The following TTC13 variants were observed in gnomAD, a reference collection of about 807,000 sequenced individuals.
TTC13 encodes the protein tetratricopeptide repeat domain 13.
TTC13 carries 62 observed loss-of-function variants against 120.0 expected under a neutral mutation model. The ratio of observed to expected loss-of-function variants is 0.52; its 90% CI spans 0.42 to 0.64. The LOEUF (loss-of-function observed/expected upper bound fraction) is 0.64, where lower values mean the gene tolerates loss of function less well. Ranked by LOEUF, TTC13 falls within the 30% of genes least tolerant of loss-of-function variation. The pLI is 0.00. For missense variants in TTC13, 824 were observed against 1,050.2 expected (o/e 0.78, Z 2.98); for synonymous variants, 384 against 393.5 (o/e 0.98, Z 0.28).
rs148226369 is a variant in TTC13, at chr1:230,908,858, G to A, written c.2389-67C>T. ...GACACAGGCTCGGCTGGAGATCTATGTAACTCGTGTACCTTAAAATAAAAA... is the reference window on the plus strand; with the variant it reads ...GACACAGGCTCGGCTGGAGATCTATATAACTCGTGTACCTTAAAATAAAAA... On this transcript the variant is annotated intron_variant, in intron 21 of 22. Coordinates refer to ENST00000366661, the MANE Select transcript of TTC13 (RefSeq NM_024525.5). 1.1e-4 allele frequency: 184 copies of A among 1,604,590 alleles called. No individual in the cohort carries two copies. In the African/African-American group the frequency reaches 2.1e-3, roughly 19 times the overall value.
intron 4 of TTC13, among the ~76,000 whole-genome samples, 165 bp from the exon 5 acceptor site, chr1:230,945,619 T>C (rs1200836779): frequency 2.0e-5 from 3 of 152,222 alleles, no homozygotes; most frequent in Non-Finnish European, 4.4e-5. Context: ...GTCTATGTTC[T>C]TAAAGCTCAT....
intron 3 of TTC13, among the ~76,000 whole-genome samples, chr1:230,954,692 C>T (rs998701033): frequency 1.3e-5 from 2 of 152,168 alleles, no homozygotes; most frequent in Non-Finnish European, 2.9e-5. Context: ...TTTCAAATCC[C>T]AAATAATCTT....
chr1:230,941,069 C>T (rs1674495571), intron 6 of TTC13, among the ~76,000 whole-genome samples: 1 of 152,174 alleles, frequency 6.6e-6, no homozygotes, highest in Non-Finnish European at 1.5e-5. Context: ...CAACTTTTAA[C>T]TCATGAGTCA....
intron 1 of TTC13, among the ~76,000 whole-genome samples, chr1:230,963,180 A>C (rs147851467): frequency 5.9e-5 from 9 of 152,354 alleles, no homozygotes; most frequent in South Asian, 2.1e-4. Flanking sequence ...TTATAATATC[A>C]AAATCAGTCT....
intron 1 of TTC13, among the ~76,000 whole-genome samples, chr1:230,974,598 C>T (rs954100910): frequency 2.0e-5 from 3 of 152,158 alleles, no homozygotes; most frequent in African/African-American, 7.2e-5. Flanking sequence ...TCTAAGTACA[C>T]TCTTTGATGT....
intron 1 of TTC13, among the ~76,000 whole-genome samples, chr1:230,963,151 A>G (rs989443860): frequency 6.6e-6 from 1 of 152,232 alleles, no homozygotes; most frequent in African/African-American, 2.4e-5. Flanking sequence ...TCAAGGAACC[A>G]TCTGAGGGAG....
At chr1:230,946,393 T>C (rs773486423) in intron 4 of TTC13, among the ~76,000 whole-genome samples, 1 of 151,976 alleles carries the variant, frequency 6.6e-6, no homozygotes, top group Non-Finnish European at 1.5e-5. Flanking sequence ...TTATAGAAAA[T>C]GAACACATTC....
chr1:230,923,489 C>T (rs376155154), intron 15 of TTC13, among the ~76,000 whole-genome samples: 6 of 151,860 alleles, frequency 4.0e-5, no homozygotes, highest in African/African-American at 1.2e-4. Context: ...GAGCCATGTA[C>T]TATCAAAAGA....
At position 230,978,687 on chromosome 1, in the gene TTC13, G is replaced by C; in HGVS notation, c.144C>G (p.His48Gln). 1 of 1,494,816 alleles carries C rather than the reference G, an allele frequency of 6.7e-7. No homozygotes were observed. Among genetic ancestry groups the C allele is most frequent in the African/African-American group, 1.5e-5 (1 of 68,648 alleles). The allele number at this position is 1,494,816 out of a possible 1,614,324, so 92.6% of individuals were successfully genotyped here. ...GCTTGAGCAGGGAGAGCGGCGAGTA[G>C]TGCTCGGTGGCCAGGGCGCCTGGCC... is the stretch of plus-strand genomic sequence containing the variant. ...GLRPGALATE[H>Q]YSPLSLLKQE... The change falls in exon 1 of 23, where the codon CAC becomes CAG. Residue 48 changes from histidine (H) to glutamine (Q), a missense_variant. Coordinates refer to ENST00000366661, the MANE Select transcript of TTC13 (RefSeq NM_024525.5). The surrounding 1 kb of genome is among the most constrained non-coding windows in gnomAD (Gnocchi z 5.6).
chr1:230,908,515 T>C (rs1671163360), intron 22 of TTC13, 197 bp downstream of exon 22: 2 of 587,988 alleles, frequency 3.4e-6, no homozygotes, highest in African/African-American at 3.7e-5. Context: ...TATCCATACA[T>C]TCACCCTTAA....
At chr1:230,973,557 A>T (rs1319210776) in intron 1 of TTC13, among the ~76,000 whole-genome samples, 1 of 152,242 alleles carries the variant, frequency 6.6e-6, no homozygotes, top group East Asian at 1.9e-4. Context: ...GCATCACTCA[A>T]GAGCAGTGAA....
chr1:230,918,370 G>T (rs1672247174), intron 17 of TTC13, among the ~76,000 whole-genome samples: 1 of 152,136 alleles, frequency 6.6e-6, no homozygotes. Context: ...CATTCACCAT[G>T]ATTTTACATG....
chr1:230,924,802 A>G (rs768323267), intron 14 of TTC13, 39 bp downstream of exon 14: 9 of 1,612,292 alleles, frequency 5.6e-6, no homozygotes, highest in Middle Eastern at 1.6e-4. Context: ...TTTGACAATG[A>G]TAAGACTTAT....
chr1:230,959,464 C>A (rs1676419018), intron 2 of TTC13, among the ~76,000 whole-genome samples: 1 of 152,118 alleles, frequency 6.6e-6, no homozygotes, highest in Non-Finnish European at 1.5e-5. Context: ...TCACCACAAC[C>A]TCCGCCGCCT....
In TTC13 at chr1:230,940,478, G is replaced by A. The variant is rs1572233959; in HGVS notation, c.751C>T (p.Leu251=). ...KAIQLQPSAR[L]YRHRGTLYFI... is the part of the protein sequence containing the mutation. ...TACAGGGTTCCCCGATGTCTGTACA[G>A]CCGTGCTGAGGGCTGCAGTTGGATA... The change falls in exon 7 of 23, where the codon CTG becomes TTG. Residue 251 remains leucine (L), a synonymous_variant. Transcript: ENST00000366661. The surrounding 1 kb of genome is among the most constrained non-coding windows in gnomAD (Gnocchi z 4.1). 4.3e-6 allele frequency: 7 copies of A among 1,613,732 alleles called. No homozygotes were observed. The East Asian group carries it at 1.6e-4, about 36-fold the overall frequency.
intron 12 of TTC13, 115 bp from the exon 13 acceptor site, chr1:230,925,762 C>A: frequency 1.7e-6 from 2 of 1,150,788 alleles, no homozygotes; most frequent in East Asian, 2.4e-5. Flanking sequence ...CAGTCTACGA[C>A]CACATAATCC....
chr1:230,921,567 C>A (rs1435376895), intron 15 of TTC13, 63 bp from the exon 16 acceptor site: 3 of 782,724 alleles, frequency 3.8e-6, no homozygotes, highest in East Asian at 3.3e-5. Context: ...AAGCCAACAT[C>A]TAATTTCAAA....
chr1:230,963,788 G>C (rs1272249914), intron 1 of TTC13, among the ~76,000 whole-genome samples: 1 of 152,250 alleles, frequency 6.6e-6, no homozygotes, highest in Admixed American at 6.5e-5. Context: ...AAAGGGCAGC[G>C]AGGAGACTCC....
At chr1:230,963,635 AAAAT>A (rs145205225) in intron 1 of TTC13, among the ~76,000 whole-genome samples, 31,928 of 145,820 alleles carry the variant, frequency 0.22, 4,081 homozygotes, top group Admixed American at 0.33. Context: ...ACCCTGTCTC[AAAAT>A]AAATAAATAA....
Sources: gnomAD v4.1 joint callset for allele counts (sites outside exome capture counted in the v4.1 genomes callset) on GRCh38, gnomAD v4.1.1 for gene constraint, Gnocchi (gnomAD v3.1) non-coding constraint, MANE v1.5 for transcripts, NCBI Gene and HGNC (gene_info 2026-07-23, HGNC 2026-07-21) for gene names.